Variants in CNTN5 observed in about 807,000 individuals in gnomAD.
CNTN5 encodes contactin-5.
CNTN5 carries 77 observed loss-of-function variants against 129.1 expected under a neutral mutation model. The observed-to-expected ratio is 0.60, with a 90% CI of 0.50 to 0.72. The LOEUF is 0.72. Ranked by LOEUF, CNTN5 falls within the 30% of genes least tolerant of loss-of-function variation. The pLI, the probability that CNTN5 is intolerant of heterozygous loss-of-function variation, is 0.00. For synonymous variants in CNTN5, 509 were observed against 465.6 expected, an observed-to-expected ratio of 1.09 and a Z score of -1.20; for missense variants, 1,478 against 1,328.8, an observed-to-expected ratio of 1.11 and a Z score of -1.75.
At chr11:99,507,144 G>A (rs61894113) in intron 2 of CNTN5, among the ~76,000 whole-genome samples, 14,478 of 151,764 alleles carry the variant, frequency 0.095, 799 homozygotes, top group Non-Finnish European at 0.13. Flanking sequence ...TTGGGAGGCC[G>A]AGGCAGGCAG....
chr11:99,271,576 A>C (rs2135857741), intron 1 of CNTN5, among the ~76,000 whole-genome samples: 1 of 152,006 alleles, frequency 6.6e-6, no homozygotes, highest in African/African-American at 2.4e-5. Context: ...CTGTGGGTTA[A>C]GAGTCTGTGA....
chr11:99,098,686 ACTTTC>A (rs1312810525), intron 1 of CNTN5, among the ~76,000 whole-genome samples: 1 of 152,162 alleles, frequency 6.6e-6, no homozygotes, highest in Non-Finnish European at 1.5e-5. Context: ...ATAATGAGTC[ACTTTC>A]CTTTAATCTC....
At chr11:99,928,137 C>T (rs1950106042) in intron 7 of CNTN5, among the ~76,000 whole-genome samples, 1 of 152,226 alleles carries the variant, frequency 6.6e-6, no homozygotes, top group Admixed American at 6.5e-5. Flanking sequence ...CCAGGTCACA[C>T]TGATGGAGGA....
intron 18 of CNTN5, among the ~76,000 whole-genome samples, chr11:100,292,880 A>C (rs549616070): frequency 1.3e-5 from 2 of 152,050 alleles, no homozygotes; most frequent in East Asian, 3.9e-4. Context: ...ACAGTCGTTT[A>C]ATGTCCTCTT....
chr11:99,338,907 T>A (rs999649927), intron 2 of CNTN5, among the ~76,000 whole-genome samples: 2 of 107,942 alleles, frequency 1.9e-5, no homozygotes, highest in Admixed American at 2.0e-4. Flanking sequence ...TTATGTATTT[T>A]GTTCATTCAC....
chr11:99,715,597 G>A (rs997353870), intron 3 of CNTN5, among the ~76,000 whole-genome samples: 4 of 151,928 alleles, frequency 2.6e-5, no homozygotes, highest in African/African-American at 4.8e-5. Context: ...TCCCCAAAAT[G>A]TCTAGGATGA....
Position 100,177,612 on chromosome 11 carries a change from A to T in CNTN5, c.1581-13514A>T, listed in dbSNP as rs115559532. ...ATTTTCAAGTCTGTGCTTAGATACC[A>T]CTTTCACCTGAAAGGTGTGTCTCTG... On this transcript the variant is annotated intron_variant, in intron 13 of 24. Transcript: ENST00000524871. Among the ~76,000 whole-genome samples the T allele has an allele frequency of 8.1e-3, 1,226 of 152,172 alleles. 16 individuals carry two copies. Among genetic ancestry groups the T allele is most frequent in the African/African-American group, 0.028 (1,156 of 41,526 alleles).
At chr11:99,934,898 G>GTATATATATATA (rs200635742) in intron 7 of CNTN5, among the ~76,000 whole-genome samples, 2 of 67,958 alleles carry the variant, frequency 2.9e-5, no homozygotes, top group African/African-American at 2.0e-4. Flanking sequence ...GTGTGTGTGT[G>GTATATATATATA]TATATATATA....
At position 100,061,290 on chromosome 11, in the gene CNTN5, G is replaced by A. The variant is rs1451805121; in HGVS notation, c.1059G>A (p.Val353=). The A allele has an allele frequency of 6.2e-7, 1 of 1,613,674 alleles. No individual in the cohort carries two copies. The highest frequency in any genetic ancestry group is 1.1e-5 in the South Asian group (1 of 91,078). ...CACGTCTGCGGAAATCTCAGGCGGT[G>A]CTGGAAATACCGAATGTACAGCTGG... ...SKARLRKSQA[V]LEIPNVQLDD... The change falls in exon 10 of 25, where the codon GTG becomes GTA. Residue 353 remains valine, a synonymous_variant. Coordinates refer to ENST00000524871, the MANE Select transcript of CNTN5 (RefSeq NM_014361.4).
chr11:99,594,885 T>C (rs1330911246), intron 3 of CNTN5, among the ~76,000 whole-genome samples: 2 of 152,194 alleles, frequency 1.3e-5, no homozygotes, highest in Admixed American at 1.3e-4. Context: ...TAGGTGATAA[T>C]ATGGACTGTT....
chr11:100,146,128 C>T (rs1183178768), intron 13 of CNTN5, among the ~76,000 whole-genome samples: 1 of 152,074 alleles, frequency 6.6e-6, no homozygotes, highest in Non-Finnish European at 1.5e-5. Flanking sequence ...GCCTGCAAAG[C>T]AGATTTTGTG....
intron 7 of CNTN5, among the ~76,000 whole-genome samples, chr11:99,947,940 G>A (rs1950588752): frequency 6.6e-6 from 1 of 152,132 alleles, no homozygotes; most frequent in Non-Finnish European, 1.5e-5. Flanking sequence ...AATTCATAGA[G>A]CTAAGTTAAA....
intron 9 of CNTN5, among the ~76,000 whole-genome samples, chr11:100,032,940 T>G (rs982180791): frequency 3.3e-5 from 5 of 152,190 alleles, no homozygotes; most frequent in African/African-American, 1.2e-4. Flanking sequence ...TTTACCTAGT[T>G]TTTTGTTTTA....
intron 1 of CNTN5, among the ~76,000 whole-genome samples, chr11:99,151,530 C>T (rs750154272): frequency 1.3e-4 from 20 of 151,882 alleles, no homozygotes; most frequent in South Asian, 4.2e-4. Context: ...GAATATTTTC[C>T]GGTAATACAG....
chr11:100,288,206 G>C lies in CNTN5; in HGVS notation c.2315-9419G>C, dbSNP rs893297048. 4.6e-5 allele frequency among the ~76,000 whole-genome samples: 7 copies of C among 152,114 alleles called. No individual in the cohort carries two copies. In the South Asian group the frequency reaches 6.2e-4, roughly 14 times the overall value. The stretch of plus-strand genomic sequence containing the variant: ...CAACATTAGACAGATCAACGAGACA[G>C]AAAGTCAACAAGGATACCCAGGAAT... On this transcript the variant is annotated intron_variant, in intron 18 of 24. Coordinates refer to ENST00000524871, the MANE Select transcript of CNTN5 (RefSeq NM_014361.4).
chr11:100,149,754 G>T (rs1443363066), intron 13 of CNTN5, among the ~76,000 whole-genome samples: 1 of 151,928 alleles, frequency 6.6e-6, no homozygotes, highest in African/African-American at 2.4e-5. Flanking sequence ...AATTAGCCAG[G>T]CATGGTGGCG....
chr11:100,170,347 G>C (rs1947786720), intron 13 of CNTN5, among the ~76,000 whole-genome samples: 1 of 151,950 alleles, frequency 6.6e-6, no homozygotes, highest in African/African-American at 2.4e-5. Flanking sequence ...AAATGATGCA[G>C]TTATTTTGGG....
At chr11:100,047,947 C>T (rs1278786419) in intron 9 of CNTN5, among the ~76,000 whole-genome samples, 2 of 152,136 alleles carry the variant, frequency 1.3e-5, no homozygotes, top group African/African-American at 4.8e-5. Flanking sequence ...CTGGCTAACA[C>T]GATGAAACTC....
chr11:99,388,274 G>C (rs1941034971), intron 2 of CNTN5, among the ~76,000 whole-genome samples: 1 of 151,826 alleles, frequency 6.6e-6, no homozygotes, highest in South Asian at 2.1e-4. Context: ...AATTAGCCGA[G>C]CATGGTGGCA....
Sources: allele counts gnomAD v4.1 joint callset (sites outside exome capture counted in the v4.1 genomes callset), GRCh38; gene constraint gnomAD v4.1.1; transcripts MANE v1.5; gene names NCBI Gene and HGNC (gene_info 2026-07-23, HGNC 2026-07-21).